Variants in ARCN1 observed in about 807,000 individuals in gnomAD.
The protein encoded by ARCN1 is archain 1 coat protein complex I subunit delta, also known as coatomer subunit delta.
Under a neutral mutation model 60.4 loss-of-function variants are expected in ARCN1, and 5 were observed. The ratio of observed to expected loss-of-function variants is 0.08; its 90% CI spans 0.04 to 0.17. The LOEUF (loss-of-function observed/expected upper bound fraction) is 0.17. ARCN1 is among the 10% of genes least tolerant of loss of function. The pLI is 1.00. For synonymous variants in ARCN1, 224 were observed against 220.0 expected (o/e 1.02, Z -0.16); for missense variants, 464 against 626.5 (o/e 0.74, Z 2.77).
intron 1 of ARCN1, among the ~76,000 whole-genome samples, chr11:118,575,775 G>T (rs1323218584): frequency 6.6e-6 from 1 of 152,096 alleles, no homozygotes; most frequent in Non-Finnish European, 1.5e-5. Flanking sequence ...GACTTTTTTT[G>T]AGAGAGAGTT....
chr11:118,589,897 T>C (rs1301597551), intron 5 of ARCN1, among the ~76,000 whole-genome samples: 2 of 152,236 alleles, frequency 1.3e-5, no homozygotes, highest in Admixed American at 1.3e-4. Flanking sequence ...TAAATGTTGA[T>C]AGCTATAGCA....
At chr11:118,576,449 A>AAAC (rs1555073620) in intron 1 of ARCN1, among the ~76,000 whole-genome samples, 15 of 145,296 alleles carry the variant, frequency 1.0e-4, no homozygotes, top group Non-Finnish European at 1.8e-4. Context: ...AAAAAAAAAA[A>AAAC]CCAAAAACTT....
intron 9 of ARCN1, among the ~76,000 whole-genome samples, chr11:118,599,070 A>C (rs1939093823): frequency 6.7e-6 from 1 of 148,404 alleles, no homozygotes; most frequent in Non-Finnish European, 1.5e-5. Flanking sequence ...CTGAGATTAC[A>C]GGCGTGAACT....
chr11:118,587,187 T>A (rs1938798498), intron 5 of ARCN1, among the ~76,000 whole-genome samples: 1 of 152,216 alleles, frequency 6.6e-6, no homozygotes, highest in African/African-American at 2.4e-5. Flanking sequence ...CAGTTTTTAA[T>A]CTTTTAAAAA....
intron 2 of ARCN1, 152 bp from the exon 3 acceptor site, chr11:118,583,027 C>T (rs1215268826): frequency 2.1e-5 from 18 of 865,364 alleles, no homozygotes; most frequent in East Asian, 2.0e-4. Flanking sequence ...GGCAGCAGAG[C>T]GAGACTCTGT....
At chr11:118,580,336 A>C (rs1938622863) in intron 1 of ARCN1, among the ~76,000 whole-genome samples, 1 of 152,178 alleles carries the variant, frequency 6.6e-6, no homozygotes. Flanking sequence ...AAAAAAAAGA[A>C]AGAAATTGTG....
chr11:118,579,855 T>C (rs1938612682), intron 1 of ARCN1, among the ~76,000 whole-genome samples: 1 of 152,222 alleles, frequency 6.6e-6, no homozygotes, highest in African/African-American at 2.4e-5. Flanking sequence ...GAACATCATG[T>C]CATCACTGGG....
intron 8 of ARCN1, among the ~76,000 whole-genome samples, chr11:118,594,619 G>A (rs1219611841): frequency 7.9e-5 from 12 of 151,320 alleles, no homozygotes; most frequent in African/African-American, 2.4e-4. Context: ...ATGTGATCTC[G>A]GCTCACTGCA....
At chr11:118,576,441 A>AC (rs1251935883) in intron 1 of ARCN1, among the ~76,000 whole-genome samples, 6 of 148,658 alleles carry the variant, frequency 4.0e-5, no homozygotes, top group Non-Finnish European at 8.9e-5. Flanking sequence ...AAAAAAAAAA[A>AC]AAAAAAAACC....
chr11:118,600,707 T>G lies in ARCN1; in HGVS notation c.1529T>G (p.Ile510Ser). 6.2e-7 allele frequency: 1 copy of G among 1,606,200 alleles called. No homozygotes were observed. The highest frequency in any genetic ancestry group is 2.2e-5 in the East Asian group (1 of 44,536). Residue 510 changes from isoleucine (I) to serine (S), a missense_variant, in exon 10 of 10, where the codon ATT becomes AGT. Physicochemically the swap from Ile to Ser is moderately radical, Grantham distance 142 (BLOSUM62 -2). Coordinates refer to ENST00000264028, the MANE Select transcript of ARCN1 (RefSeq NM_001655.5). ...ETTFLVDKYE[I>S]L is the part of the protein sequence containing the mutation. ...ACTTTCCTAGTGGATAAGTATGAAA[T>G]TCTGTAATACCAAGAAGAGGGAGCT...
intron 6 of ARCN1, among the ~76,000 whole-genome samples, chr11:118,591,052 C>G (rs1555076249): frequency 6.6e-6 from 1 of 152,230 alleles, no homozygotes; most frequent in African/African-American, 2.4e-5. Context: ...TTTACTCATT[C>G]TGCTATTAAA....
intron 1 of ARCN1, among the ~76,000 whole-genome samples, chr11:118,576,438 A>AC (rs1459630451): frequency 4.1e-5 from 6 of 147,136 alleles, no homozygotes; most frequent in South Asian, 2.3e-4. Context: ...AAAAAAAAAA[A>AC]AAAAAAAAAA....
chr11:118,572,657 G>T, intron 1 of ARCN1, 107 bp downstream of exon 1: 1 of 1,437,656 alleles, frequency 7.0e-7, no homozygotes, highest in Admixed American at 2.1e-5. Context: ...GAGGGTCTAG[G>T]GCAGAGTGCT....
chr11:118,584,098 C>T, intron 4 of ARCN1, 84 bp downstream of exon 4: 2 of 1,350,882 alleles, frequency 1.5e-6, no homozygotes, highest in Admixed American at 2.4e-5. Context: ...TCTTGGAAAG[C>T]TGTAAATAAA....
At chr11:118,577,143 C>T (rs1462779322) in intron 1 of ARCN1, among the ~76,000 whole-genome samples, 4 of 152,150 alleles carry the variant, frequency 2.6e-5, no homozygotes, top group East Asian at 1.9e-4. Flanking sequence ...GCCAAGATCA[C>T]GCCACTGCAC....
At chr11:118,578,947 T>G (rs1384509873) in intron 1 of ARCN1, among the ~76,000 whole-genome samples, 1 of 150,058 alleles carries the variant, frequency 6.7e-6, no homozygotes, top group Non-Finnish European at 1.5e-5. Context: ...GTGGCATAAA[T>G]TTTTTTCATG....
intron 6 of ARCN1, among the ~76,000 whole-genome samples, chr11:118,591,462 G>GT (rs1467963207): frequency 6.6e-6 from 1 of 152,152 alleles, no homozygotes; most frequent in Non-Finnish European, 1.5e-5. Flanking sequence ...TACGATCTTG[G>GT]TTCACTGCAA....
chr11:118,572,497 C>T lies in ARCN1; in HGVS notation c.-51C>T. 4.4e-6 allele frequency: 7 copies of T among 1,608,340 alleles called. No individual in the cohort carries two copies. In the South Asian group the frequency reaches 5.5e-5, roughly 13 times the overall value. ...GTGCTCCCGTTCCCCAGACCCTACC[C>T]CTATCCCCAGTGGAGCCGGAGTGCG... On this transcript the variant is annotated 5_prime_UTR_variant, in exon 1 of 10. Coordinates refer to ENST00000264028, the MANE Select transcript of ARCN1 (RefSeq NM_001655.5).
At chr11:118,582,428 C>T (rs868920770) in intron 2 of ARCN1, among the ~76,000 whole-genome samples, 1 of 152,008 alleles carries the variant, frequency 6.6e-6, no homozygotes, top group Non-Finnish European at 1.5e-5. Flanking sequence ...CTGCACCCGG[C>T]TGTAAGAATC....
Sources: gnomAD v4.1 joint callset for allele counts (sites outside exome capture counted in the v4.1 genomes callset) on GRCh38, gnomAD v4.1.1 for gene constraint, MANE v1.5 for transcripts, NCBI Gene and HGNC (gene_info 2026-07-23, HGNC 2026-07-21) for gene names.